The following KGD4 variants were observed in gnomAD, a reference collection of about 807,000 sequenced individuals.
KGD4 encodes alpha-ketoglutarate dehydrogenase component 4.
chr5:69,219,112 C>A, the KGD4 span, among the ~76,000 whole-genome samples: 3 of 152,164 alleles, frequency 2.0e-5, no homozygotes, highest in Non-Finnish European at 4.4e-5. Context: ...TCCTACACAT[C>A]CACCAAAATG....
chr5:69,227,946 C>G, the KGD4 span, among the ~76,000 whole-genome samples: 4 of 152,074 alleles, frequency 2.6e-5, no homozygotes, highest in Non-Finnish European at 4.4e-5. Context: ...AAAGCAAGAC[C>G]CCATCTGTAA....
chr5:69,224,123 G>T, the KGD4 span, among the ~76,000 whole-genome samples: 1 of 152,190 alleles, frequency 6.6e-6, no homozygotes, highest in African/African-American at 2.4e-5. Flanking sequence ...GGGCATGGTG[G>T]CCCATGCCTG....
At chr5:69,225,337 C>T in the KGD4 span, among the ~76,000 whole-genome samples, 1 of 147,354 alleles carries the variant, frequency 6.8e-6, no homozygotes, top group Non-Finnish European at 1.5e-5. Flanking sequence ...TATCTCTGCT[C>T]ACTGCAACCT....
At chr5:69,218,848 T>G in the KGD4 span, among the ~76,000 whole-genome samples, 1 of 152,206 alleles carries the variant, frequency 6.6e-6, no homozygotes, top group Non-Finnish European at 1.5e-5. Flanking sequence ...TTGGTCCCAT[T>G]GCAATGAATG....
the KGD4 span, among the ~76,000 whole-genome samples, chr5:69,226,621 C>T: frequency 2.0e-5 from 3 of 152,006 alleles, no homozygotes; most frequent in Non-Finnish European, 2.9e-5. Context: ...CCGAGGCACG[C>T]GGATCACCTG....
chr5:69,217,893 C>T, the KGD4 span: 2 of 1,614,078 alleles, frequency 1.2e-6, no homozygotes, highest in Non-Finnish European at 1.7e-6. Context: ...TGTCGCGTTT[C>T]CGCATCTTGG....
chr5:69,228,355 C>G, the KGD4 span: 15 of 1,599,994 alleles, frequency 9.4e-6, no homozygotes, highest in Non-Finnish European at 1.3e-5. Flanking sequence ...CAGAAGGAAA[C>G]TTGTGTCTCA....
the KGD4 span, among the ~76,000 whole-genome samples, chr5:69,223,095 T>TTTTTTTTG: frequency 1.4e-5 from 2 of 143,094 alleles, 1 homozygote; most frequent in Non-Finnish European, 3.0e-5. Context: ...TTTTTTTTTT[T>TTTTTTTTG]TGAGACAAAG....
the KGD4 span, among the ~76,000 whole-genome samples, chr5:69,218,464 A>G: frequency 2.1e-5 from 2 of 93,466 alleles, no homozygotes; most frequent in South Asian, 4.0e-4. Flanking sequence ...GTGTGTGTGT[A>G]TATTAATGTG....
At chr5:69,225,772 G>C in the KGD4 span, among the ~76,000 whole-genome samples, 1 of 151,948 alleles carries the variant, frequency 6.6e-6, no homozygotes, top group Admixed American at 6.6e-5. Flanking sequence ...GTAGAGATGG[G>C]GTTTCACCAT....
the KGD4 span, among the ~76,000 whole-genome samples, chr5:69,221,644 G>A: frequency 1.3e-5 from 2 of 152,036 alleles, no homozygotes; most frequent in African/African-American, 4.8e-5. Context: ...AATGCAAAAT[G>A]CAAAACTATA....
chr5:69,223,890 G>A, the KGD4 span, among the ~76,000 whole-genome samples: 25 of 151,714 alleles, frequency 1.6e-4, no homozygotes, highest in African/African-American at 4.6e-4. Context: ...AAAATTAGCC[G>A]GGTGTGGTGG....
At chr5:69,229,192 A>AT in the KGD4 span, 1,204 of 1,608,624 alleles carry the variant, frequency 7.5e-4, 4 homozygotes, top group East Asian at 1.1e-3. Flanking sequence ...TTACTGCTTT[A>AT]TTTTTTCCTT....
At chr5:69,222,241 CAGACTT>C in the KGD4 span, among the ~76,000 whole-genome samples, 1 of 151,928 alleles carries the variant, frequency 6.6e-6, no homozygotes, top group Admixed American at 6.6e-5. Flanking sequence ...GTTTTTAACT[CAGACTT>C]TGGAATTTGG....
At chr5:69,223,073 G>GTTTTTTT in the KGD4 span, among the ~76,000 whole-genome samples, 5 of 47,498 alleles carry the variant, frequency 1.1e-4, no homozygotes, top group East Asian at 4.9e-4. Context: ...ACGGTGCGCA[G>GTTTTTTT]CTTTTTTTTT....
the KGD4 span, chr5:69,218,158 C>A: frequency 1.9e-6 from 1 of 519,302 alleles, no homozygotes. Flanking sequence ...TCCGCCAGGA[C>A]CTTGTTAGTC....
chr5:69,226,502 A>C, the KGD4 span: 1 of 841,354 alleles, frequency 1.2e-6, no homozygotes, highest in Non-Finnish European at 1.9e-6. Context: ...AAAATCAGTT[A>C]AGACTATTGT....
At chr5:69,227,599 T>C in the KGD4 span, among the ~76,000 whole-genome samples, 1 of 152,238 alleles carries the variant, frequency 6.6e-6, no homozygotes, top group African/African-American at 2.4e-5. Context: ...AGAATTAAGA[T>C]GTTTAAACAA....
the KGD4 span, among the ~76,000 whole-genome samples, chr5:69,228,613 A>G: frequency 1.3e-5 from 2 of 152,170 alleles, no homozygotes; most frequent in Non-Finnish European, 1.5e-5. Flanking sequence ...CACATAAAAA[A>G]CAGCTCTTTG....
Sources: gnomAD v4.1 joint callset for allele counts (sites outside exome capture counted in the v4.1 genomes callset) on GRCh38, gnomAD v4.1.1 for gene constraint, MANE v1.5 for transcripts, NCBI Gene and HGNC (gene_info 2026-07-23, HGNC 2026-07-21) for gene names.